CCDC138: variants seen among roughly 807,000 people sequenced by gnomAD.
The protein encoded by CCDC138 is coiled-coil domain containing 138.
In CCDC138, 66 loss-of-function variants were observed where a neutral mutation model predicts 82.3. The observed-to-expected ratio is 0.80, with a 90% CI of 0.66 to 0.98. The LOEUF (loss-of-function observed/expected upper bound fraction) is 0.98. Among genes scored for constraint, CCDC138 ranks in the 50% least tolerant of loss-of-function variants. CCDC138 has a pLI of 0.00. For synonymous variants in CCDC138, 297 were observed against 265.4 expected (o/e 1.12, Z -1.16); for missense variants, 816 against 758.9 (o/e 1.08, Z -0.88).
At chr2:108,837,939 A>G (rs911122391) in intron 10 of CCDC138, among the ~76,000 whole-genome samples, 3 of 150,512 alleles carry the variant, frequency 2.0e-5, no homozygotes, top group African/African-American at 7.3e-5. Flanking sequence ...TTTTTTTTTT[A>G]AAGACACCAG....
chr2:108,865,137 A>G (rs1377442792), intron 13 of CCDC138, among the ~76,000 whole-genome samples: 1 of 151,966 alleles, frequency 6.6e-6, no homozygotes, highest in African/African-American at 2.4e-5. Context: ...TAAGTTTTAT[A>G]TATATTTTAT....
At chr2:108,832,545 C>T (rs963664906) in intron 10 of CCDC138, among the ~76,000 whole-genome samples, 5 of 152,024 alleles carry the variant, frequency 3.3e-5, no homozygotes, top group Non-Finnish European at 7.4e-5. Context: ...CGGGGTTTCT[C>T]CTTGTTGGTC....
chr2:108,877,178 A>G (rs970108922), downstream of CCDC138, among the ~76,000 whole-genome samples: 3 of 152,184 alleles, frequency 2.0e-5, no homozygotes, highest in Admixed American at 2.0e-4. Context: ...AAACTTAAAA[A>G]TGCAGAAGGC....
chr2:108,809,371 T>A (rs1683387780), intron 7 of CCDC138, among the ~76,000 whole-genome samples: 1 of 152,090 alleles, frequency 6.6e-6, no homozygotes, highest in East Asian at 1.9e-4. Flanking sequence ...GGTATTTTAA[T>A]AAACATTATG....
At position 108,808,299 on chromosome 2, in the gene CCDC138, C is replaced by T. The variant is rs72836509; in HGVS notation, c.855+3291C>T. On this transcript the variant is annotated intron_variant, in intron 7 of 14. Transcript: ENST00000295124. ...GCTACTTTCCATACTTTGGCTATTG[C>T]AAATACTGCTGCAGTAAACATGGGA... Among the ~76,000 whole-genome samples, 1,508 of 152,260 alleles carry T rather than the reference C, an allele frequency of 9.9e-3. 12 individuals are homozygous for T. The highest frequency in any genetic ancestry group is 0.051 in the Middle Eastern group (15 of 294).
At chr2:108,814,663 A>G (rs886366539) in intron 9 of CCDC138, among the ~76,000 whole-genome samples, 1 of 150,200 alleles carries the variant, frequency 6.7e-6, no homozygotes, top group Non-Finnish European at 1.5e-5. Flanking sequence ...TTAATTTATT[A>G]ATATTTTTAA....
At chr2:108,837,326 G>T (rs753985292) in intron 10 of CCDC138, among the ~76,000 whole-genome samples, 1 of 152,092 alleles carries the variant, frequency 6.6e-6, no homozygotes, top group Admixed American at 6.5e-5. Flanking sequence ...TGTTAAAATG[G>T]TATATTACAC....
chr2:108,812,608 A>G (rs1445721301), intron 7 of CCDC138, 23 bp from the exon 8 acceptor site: 10 of 1,577,408 alleles, frequency 6.3e-6, no homozygotes, highest in East Asian at 2.2e-5. Flanking sequence ...ATATTGAAAT[A>G]TCTAACTTTT....
chr2:108,788,252 C>G (rs1679256908), intron 2 of CCDC138, among the ~76,000 whole-genome samples, 163 bp downstream of exon 2: 1 of 151,556 alleles, frequency 6.6e-6, no homozygotes, highest in South Asian at 2.1e-4. Flanking sequence ...AATCCCGTCT[C>G]TACTAAAGAT....
chr2:108,807,313 A>C (rs1290625751), intron 7 of CCDC138, among the ~76,000 whole-genome samples: 1 of 152,226 alleles, frequency 6.6e-6, no homozygotes, highest in Non-Finnish European at 1.5e-5. Flanking sequence ...AAGGAATTAA[A>C]TTGAAATTTG....
chr2:108,883,152 C>G (rs1444272342), intron 2 of CCDC138: 1 of 152,150 alleles, frequency 6.6e-6, no homozygotes, highest in East Asian at 1.9e-4. Context: ...AGGTGTGATA[C>G]AGCTTTCAAC....
At position 108,846,929 on chromosome 2, in the gene CCDC138, A is replaced by G. The variant is rs1558724377; in HGVS notation, c.1515A>G (p.Gln505=). The G allele has an allele frequency of 1.3e-6, 2 of 1,554,826 alleles. No homozygotes were observed. Among genetic ancestry groups the G allele is most frequent in the African/African-American group, 1.4e-5 (1 of 73,362 alleles). Residue 505 remains glutamine (Q), a splice_region_variant and synonymous_variant, in exon 12 of 15, where the codon CAA becomes CAG. Coordinates refer to ENST00000295124, the MANE Select transcript of CCDC138 (RefSeq NM_144978.3). ...STLIVLKTVT[Q]ADYLAQAFDS... ...TAATTGTTCTCAAAACAGTCACTCA[A>G]GGTAAGCTTTCAATTGTACTTATGG... is the stretch of plus-strand genomic sequence containing the variant.
At chr2:108,789,009 C>A in intron 3 of CCDC138, 43 bp downstream of exon 3, 2 of 1,598,206 alleles carry the variant, frequency 1.3e-6, no homozygotes, top group Non-Finnish European at 1.7e-6. Flanking sequence ...CCCTCAGTAT[C>A]TCAAAAAACT....
chr2:108,871,648 A>T (rs1695271988), intron 13 of CCDC138, among the ~76,000 whole-genome samples: 1 of 152,222 alleles, frequency 6.6e-6, no homozygotes, highest in African/African-American at 2.4e-5. Context: ...TTCATAACAT[A>T]AAATTTACCA....
chr2:108,837,250 G>A (rs768027614), intron 10 of CCDC138, among the ~76,000 whole-genome samples: 16 of 152,096 alleles, frequency 1.1e-4, no homozygotes, highest in East Asian at 1.9e-4. Flanking sequence ...ATGAAAGGGC[G>A]TTGAATCTTG....
At chr2:108,874,857 A>G (rs1285518541) in intron 14 of CCDC138, among the ~76,000 whole-genome samples, 2 of 151,740 alleles carry the variant, frequency 1.3e-5, no homozygotes, top group Non-Finnish European at 2.9e-5. Context: ...CAGTTACCTT[A>G]TGGTGCCATG....
chr2:108,833,726 CT>C (rs35850089), intron 10 of CCDC138, among the ~76,000 whole-genome samples: 78,075 of 91,044 alleles, frequency 0.86, 33,014 homozygotes, highest in Middle Eastern at 0.96. Flanking sequence ...GTGGAGTAAA[CT>C]TTTTTTTTTT....
At chr2:108,815,448 G>T (rs6734772) in intron 9 of CCDC138, among the ~76,000 whole-genome samples, 1 of 140,070 alleles carries the variant, frequency 7.1e-6, no homozygotes, top group Non-Finnish European at 1.5e-5. Flanking sequence ...TATTAGTTGG[G>T]GAGGTTTTTG....
chr2:108,846,599 C>T (rs1245667755), intron 11 of CCDC138, 139 bp from the exon 12 acceptor site: 4 of 646,974 alleles, frequency 6.2e-6, no homozygotes, highest in Non-Finnish European at 1.1e-5. Flanking sequence ...ATTGCTTGAG[C>T]CCAGGAGTTT....
Sources: allele counts gnomAD v4.1 joint callset (sites outside exome capture counted in the v4.1 genomes callset), GRCh38; gene constraint gnomAD v4.1.1; transcripts MANE v1.5; gene names NCBI Gene and HGNC (gene_info 2026-07-23, HGNC 2026-07-21).